WDPCP: variants seen among roughly 807,000 people sequenced by gnomAD.
The protein encoded by WDPCP is WD repeat-containing and planar cell polarity effector protein fritz homolog.
In WDPCP, 71 loss-of-function variants were observed where a neutral mutation model predicts 93.1. That is an observed-to-expected ratio of 0.76 (90% CI 0.63 to 0.93). WDPCP has a LOEUF of 0.93. WDPCP is among the 40% of genes least tolerant of loss of function. The pLI, the probability that WDPCP is intolerant of heterozygous loss-of-function variation, is 0.00. For missense variants in WDPCP, 844 were observed against 887.4 expected, an observed-to-expected ratio of 0.95 and a Z score of 0.62; for synonymous variants, 315 against 315.0, an observed-to-expected ratio of 1.00 and a Z score of 0.00.
intron 1 of WDPCP, among the ~76,000 whole-genome samples, chr2:63,825,597 A>G (rs564611549): frequency 2.0e-5 from 3 of 151,866 alleles, no homozygotes; most frequent in South Asian, 2.1e-4. Context: ...CTGCTTGTAC[A>G]TGGTTTCTGA....
At position 63,128,447 on chromosome 2, in the gene WDPCP, C is replaced by A. The variant is rs186711639; in HGVS notation, c.2191-6391G>T. The stretch of plus-strand genomic sequence containing the variant: ...AACTAGATCACTAGTGGTTTCATTT[C>A]TTTCCTTTCCCTTTCCTTTATTTTT... On this transcript the variant is annotated intron_variant, in intron 17 of 17. Transcript: ENST00000272321. Among the ~76,000 whole-genome samples the A allele has an allele frequency of 1.9e-3, 296 of 152,082 alleles. 1 individual carries two copies. Among genetic ancestry groups the A allele is most frequent in the South Asian group, 6.8e-3 (33 of 4,820 alleles).
intron 14 of WDPCP, among the ~76,000 whole-genome samples, chr2:63,241,886 G>T (rs1393409915): frequency 6.6e-6 from 1 of 152,116 alleles, no homozygotes; most frequent in Non-Finnish European, 1.5e-5. Context: ...GTGAGCCACT[G>T]CACCTAGGCT....
chr2:63,294,080 T>C (rs185881018), intron 13 of WDPCP, among the ~76,000 whole-genome samples: 2 of 152,102 alleles, frequency 1.3e-5, no homozygotes, highest in Middle Eastern at 3.2e-3. Flanking sequence ...ATGTTCAAAA[T>C]ACAAAGACAA....
intron 2 of WDPCP, among the ~76,000 whole-genome samples, chr2:63,733,047 A>C (rs1411674692): frequency 6.6e-6 from 1 of 152,216 alleles, no homozygotes; most frequent in Non-Finnish European, 1.5e-5. Context: ...ATAAGAAATA[A>C]AACTTTTCTG....
At chr2:63,647,952 A>G (rs920416532) in intron 3 of WDPCP, among the ~76,000 whole-genome samples, 10 of 152,222 alleles carry the variant, frequency 6.6e-5, no homozygotes, top group African/African-American at 2.4e-4. Context: ...TTAGCTCTGC[A>G]TACTACCATT....
chr2:63,466,767 A>G lies in WDPCP; in HGVS notation c.384+17837T>C, dbSNP rs534556688. 8.5e-4 allele frequency among the ~76,000 whole-genome samples: 130 copies of G among 152,340 alleles called. 3 individuals carry two copies. In the South Asian group the frequency reaches 0.026, roughly 30 times the overall value. On this transcript the variant is annotated intron_variant, in intron 6 of 17. Transcript: ENST00000272321. ...GATTTGAACTCATTTAGCTTGACAC[A>G]TATGATTAACTATAACTGAATAAAT... is the stretch of plus-strand genomic sequence containing the variant.
chr2:63,800,850 TCAA>T (rs1252317658), intron 2 of WDPCP, among the ~76,000 whole-genome samples: 1 of 152,062 alleles, frequency 6.6e-6, no homozygotes, highest in Non-Finnish European at 1.5e-5. Context: ...GCCCAGGAGT[TCAA>T]GGCCAGCCTG....
At chr2:63,743,840 C>A (rs1430877192) in intron 2 of WDPCP, among the ~76,000 whole-genome samples, 1 of 152,066 alleles carries the variant, frequency 6.6e-6, no homozygotes, top group Non-Finnish European at 1.5e-5. Flanking sequence ...AAAATTTATT[C>A]ATTGCTTATC....
At chr2:63,748,078 GAAATA>G (rs1011559670) in intron 2 of WDPCP, among the ~76,000 whole-genome samples, 48 of 151,728 alleles carry the variant, frequency 3.2e-4, no homozygotes, top group African/African-American at 1.2e-3. Context: ...ATATAGAAAT[GAAATA>G]GAGTTTTATA....
At chr2:63,515,935 G>A (rs529767475) in intron 1 of WDPCP, among the ~76,000 whole-genome samples, 25 of 151,600 alleles carry the variant, frequency 1.6e-4, no homozygotes, top group African/African-American at 4.4e-4. Flanking sequence ...CAGGAGAATC[G>A]CTTGAACCCA....
At chr2:63,504,647 G>T (rs1466404582) in intron 1 of WDPCP, among the ~76,000 whole-genome samples, 1 of 151,840 alleles carries the variant, frequency 6.6e-6, no homozygotes, top group African/African-American at 2.4e-5. Flanking sequence ...GCTAAATGGA[G>T]CCTTTTGACC....
intron 2 of WDPCP, among the ~76,000 whole-genome samples, chr2:63,704,063 T>C (rs953907971): frequency 4.6e-5 from 7 of 152,214 alleles, no homozygotes; most frequent in Non-Finnish European, 7.3e-5. Context: ...TTTGAAGCAA[T>C]TGTGAATGAG....
At chr2:63,765,467 C>T (rs1046010117) in intron 2 of WDPCP, among the ~76,000 whole-genome samples, 1 of 152,170 alleles carries the variant, frequency 6.6e-6, no homozygotes, top group East Asian at 1.9e-4. Context: ...CAGCCACAGG[C>T]AGGGCAGAGA....
In WDPCP at chr2:63,404,615, G is replaced by A. The variant is rs374934704; in HGVS notation, c.868C>T (p.Arg290Cys). Residue 290 changes from arginine to cysteine, a missense_variant, in exon 10 of 18, where the codon CGC becomes TGC. Transcript: ENST00000272321. Reference sequence around the variant, plus strand: ...TGATAAGGCTGTTTGGTGCCAAAGCGAACATCCAGTGGGTCCCATTCTGTG... The same window carrying A: ...TGATAAGGCTGTTTGGTGCCAAAGCAAACATCCAGTGGGTCCCATTCTGTG... Reference protein sequence around the residue: ...VRTEWDPLDVRFGTKQPYQVF... With the variant: ...VRTEWDPLDVCFGTKQPYQVF... The A allele has an allele frequency of 2.0e-4, 318 of 1,614,046 alleles. 4 individuals carry two copies. The Middle Eastern group carries it at 2.1e-3, about 11-fold the overall frequency.
At chr2:63,141,159 A>G (rs1671030955) in intron 17 of WDPCP, among the ~76,000 whole-genome samples, 1 of 151,724 alleles carries the variant, frequency 6.6e-6, no homozygotes, top group Non-Finnish European at 1.5e-5. Context: ...GGCTCCTGCA[A>G]CCTCCGCCTC....
intron 15 of WDPCP, among the ~76,000 whole-genome samples, chr2:63,171,743 T>A (rs1673402421): frequency 1.3e-5 from 2 of 152,164 alleles, no homozygotes; most frequent in African/African-American, 4.8e-5. Flanking sequence ...AATGTGAATG[T>A]TTACAGCAAC....
intron 14 of WDPCP, among the ~76,000 whole-genome samples, chr2:63,251,909 G>A (rs1019602335): frequency 6.6e-6 from 1 of 151,354 alleles, no homozygotes; most frequent in Non-Finnish European, 1.5e-5. Flanking sequence ...AATCAGGTAG[G>A]AGGGAACTCC....
chr2:63,818,452 G>A (rs1292231941), intron 1 of WDPCP, among the ~76,000 whole-genome samples: 1 of 152,180 alleles, frequency 6.6e-6, no homozygotes, highest in Admixed American at 6.5e-5. Flanking sequence ...CTGTCAGAGA[G>A]AGCCTGGAGA....
chr2:63,182,811 G>A (rs13408991), intron 14 of WDPCP, among the ~76,000 whole-genome samples: 2,569 of 54,688 alleles, frequency 0.047, 90 homozygotes, highest in African/African-American at 0.15. Context: ...AGACTTTTTT[G>A]TTACTGATTA....
Sources: allele counts gnomAD v4.1 joint callset (sites outside exome capture counted in the v4.1 genomes callset), GRCh38; gene constraint gnomAD v4.1.1; transcripts MANE v1.5; gene names NCBI Gene and HGNC (gene_info 2026-07-23, HGNC 2026-07-21).